Variants in LSAMP observed in about 807,000 individuals in gnomAD.
LSAMP encodes limbic system associated membrane protein.
LSAMP carries 7 observed loss-of-function variants against 38.6 expected under a neutral mutation model. That is an observed-to-expected ratio of 0.18 (90% CI 0.10 to 0.34). LSAMP has a LOEUF of 0.34. Among genes scored for constraint, LSAMP ranks in the 10% least tolerant of loss-of-function variants. The pLI, the probability that LSAMP is intolerant of heterozygous loss-of-function variation, is 1.00. For synonymous variants in LSAMP, 154 were observed against 166.8 expected, an observed-to-expected ratio of 0.92 and a Z score of 0.59; for missense variants, 313 against 420.0, an observed-to-expected ratio of 0.75 and a Z score of 2.23.
At chr3:116,333,138 A>AATCTAC (rs2047872477) in intron 1 of LSAMP, among the ~76,000 whole-genome samples, 1 of 152,148 alleles carries the variant, frequency 6.6e-6, no homozygotes, top group Admixed American at 6.6e-5. Flanking sequence ...GATCTACCAG[A>AATCTAC]CATATTCAGA....
intron 3 of LSAMP, among the ~76,000 whole-genome samples, chr3:115,908,887 T>G (rs1937074261): frequency 6.6e-6 from 1 of 152,168 alleles, no homozygotes; most frequent in African/African-American, 2.4e-5. Context: ...CACTTCTGTC[T>G]TCAGTCAAGA....
At chr3:115,865,267 A>G (rs1935824569) in intron 3 of LSAMP, among the ~76,000 whole-genome samples, 2 of 152,144 alleles carry the variant, frequency 1.3e-5, no homozygotes, top group South Asian at 4.1e-4. Context: ...CTGAAGTGAG[A>G]CCATGGACGT....
At chr3:116,188,448 C>T (rs1260386463) in intron 1 of LSAMP, among the ~76,000 whole-genome samples, 6 of 152,130 alleles carry the variant, frequency 3.9e-5, no homozygotes. Flanking sequence ...AGCCTCAGGG[C>T]TTCTTTCTTG....
At chr3:116,223,205 G>A (rs1054815207) in intron 1 of LSAMP, among the ~76,000 whole-genome samples, 17 of 152,132 alleles carry the variant, frequency 1.1e-4, no homozygotes, top group African/African-American at 4.1e-4. Flanking sequence ...ATATAATTTG[G>A]TGACATGGTA....
chr3:116,313,998 C>A (rs1196218265), intron 1 of LSAMP, among the ~76,000 whole-genome samples: 3 of 152,210 alleles, frequency 2.0e-5, no homozygotes, highest in Non-Finnish European at 2.9e-5. Context: ...TTGTGTGAAG[C>A]ACTTTCCCAC....
At chr3:115,965,593 T>C (rs1372648991) in intron 3 of LSAMP, among the ~76,000 whole-genome samples, 1 of 146,070 alleles carries the variant, frequency 6.8e-6, no homozygotes, top group African/African-American at 2.6e-5. Context: ...AACTAGAAGA[T>C]TTTTGTATTT....
chr3:116,316,444 A>G (rs2047629968), intron 1 of LSAMP, among the ~76,000 whole-genome samples: 1 of 152,196 alleles, frequency 6.6e-6, no homozygotes, highest in South Asian at 2.1e-4. Flanking sequence ...ATGAAAAGAA[A>G]GTTGGGAGAA....
intron 2 of LSAMP, among the ~76,000 whole-genome samples, chr3:116,074,920 C>G (rs11916641): frequency 1.4e-5 from 2 of 147,264 alleles, no homozygotes; most frequent in Non-Finnish European, 1.5e-5. Flanking sequence ...CTCGGCTCAC[C>G]GCAACCTCCG....
At position 115,804,187 on chromosome 3, in the gene LSAMP, A is replaced by G. The variant is rs993178530; in HGVS notation, c.*6130T>C. ...GTTTAGAAATGAAGACGGTAGAATG[A>G]TAGTTCTGAGAAGTGATGAGAATAC... On this transcript the variant is annotated 3_prime_UTR_variant, in exon 7 of 7. Transcript: ENST00000490035. 1 of 152,206 alleles carries G rather than the reference A, an allele frequency of 6.6e-6. No individual in the cohort carries two copies. The highest frequency in any genetic ancestry group is 1.9e-4 in the East Asian group (1 of 5,194). 9.4% of individuals were successfully genotyped at this position (152,206 alleles called of 1,614,324 possible). A position where few individuals can be genotyped will look rare whatever the true frequency, so the allele number is the denominator to read the frequency against.
At chr3:116,321,874 A>G (rs895391816) in intron 1 of LSAMP, among the ~76,000 whole-genome samples, 1 of 152,148 alleles carries the variant, frequency 6.6e-6, no homozygotes, top group Non-Finnish European at 1.5e-5. Context: ...CCTGCTCTTA[A>G]GGCTAGTTCC....
In LSAMP at chr3:116,181,584, A is replaced by T. The variant is rs368590673; in HGVS notation, c.156-95028T>A. On this transcript the variant is annotated intron_variant, in intron 1 of 6. Coordinates refer to ENST00000490035, the MANE Select transcript of LSAMP (RefSeq NM_002338.5). ...AAACCCTTGCAAGTGTTGCATAATGATGACATCAATATAACTTATGCAAAG... is the reference window on the plus strand; with the variant it reads ...AAACCCTTGCAAGTGTTGCATAATGTTGACATCAATATAACTTATGCAAAG... Among the ~76,000 whole-genome samples, 12 of 152,210 alleles carry T rather than the reference A, an allele frequency of 7.9e-5. No individual in the cohort carries two copies. The East Asian group carries it at 1.9e-3, about 24-fold the overall frequency.
At chr3:116,263,766 C>G (rs1304283674) in intron 1 of LSAMP, among the ~76,000 whole-genome samples, 1 of 152,118 alleles carries the variant, frequency 6.6e-6, no homozygotes, top group African/African-American at 2.4e-5. Flanking sequence ...GTTATATCCA[C>G]TAATATCACT....
chr3:116,070,352 G>A (rs1707570616), intron 2 of LSAMP, among the ~76,000 whole-genome samples: 1 of 152,142 alleles, frequency 6.6e-6, no homozygotes, highest in South Asian at 2.1e-4. Flanking sequence ...AATTTTCTAG[G>A]AATATTTAAC....
intron 1 of LSAMP, among the ~76,000 whole-genome samples, chr3:116,253,180 C>T (rs1037335013): frequency 2.6e-5 from 4 of 151,574 alleles, no homozygotes; most frequent in South Asian, 2.1e-4. Context: ...GAGAAATGGA[C>T]GCATTTTGCA....
rs1211562764 is a variant in LSAMP, at chr3:116,244,535, C to T, written c.156-157979G>A. On this transcript the variant is annotated intron_variant, in intron 1 of 6. Coordinates refer to ENST00000490035, the MANE Select transcript of LSAMP (RefSeq NM_002338.5). ...CTTCCTGCTCTTTGTGTGACTGGGT[C>T]ATTCTTGTCATTCTCCCCATTGCTG... Among the ~76,000 whole-genome samples, 20 of 152,160 alleles carry T rather than the reference C, an allele frequency of 1.3e-4. 1 individual carries two copies. The highest frequency in any genetic ancestry group is 4.3e-4 in the African/African-American group (18 of 41,436).
intron 1 of LSAMP, among the ~76,000 whole-genome samples, chr3:116,132,117 C>T (rs184028596): frequency 9.2e-5 from 14 of 152,152 alleles, no homozygotes; most frequent in South Asian, 2.1e-4. Flanking sequence ...CATGAGCCAC[C>T]GTGCCTGGCC....
intron 3 of LSAMP, among the ~76,000 whole-genome samples, chr3:116,014,150 T>A (rs543955230): frequency 6.6e-6 from 1 of 152,326 alleles, no homozygotes; most frequent in Non-Finnish European, 1.5e-5. Flanking sequence ...GCATTTAGCA[T>A]GTGCACCAAT....
intron 2 of LSAMP, among the ~76,000 whole-genome samples, chr3:116,022,123 T>G (rs35470268): frequency 0.13 from 19,775 of 152,188 alleles, 1,464 homozygotes; most frequent in Non-Finnish European, 0.18. Flanking sequence ...TGGGTCTTAC[T>G]CCATCATTTG....
rs910222379 is a variant in LSAMP, at chr3:115,846,602, G to T, written c.650-4024C>A. Among the ~76,000 whole-genome samples the T allele has an allele frequency of 2.0e-5, 3 of 152,112 alleles. No individual in the cohort carries two copies. The South Asian group carries it at 6.2e-4, about 32-fold the overall frequency. On this transcript the variant is annotated intron_variant, in intron 4 of 6. Transcript: ENST00000490035. ...ATGAAAGAGAAGACAAGTTTATAGA[G>T]GGTTAGTAAGTTGTCCAAATTCACA... is the stretch of plus-strand genomic sequence containing the variant.
Sources: allele counts gnomAD v4.1 joint callset (sites outside exome capture counted in the v4.1 genomes callset), GRCh38; gene constraint gnomAD v4.1.1; transcripts MANE v1.5; gene names NCBI Gene and HGNC (gene_info 2026-07-23, HGNC 2026-07-21).